Variants in PDE6B observed in about 807,000 individuals in gnomAD.
The protein encoded by PDE6B is phosphodiesterase 6B, also known as rod cGMP-specific 3',5'-cyclic phosphodiesterase subunit beta.
Under a neutral mutation model 109.0 loss-of-function variants are expected in PDE6B, and 106 were observed. That is an observed-to-expected ratio of 0.97 (90% CI 0.83 to 1.14). The LOEUF is 1.14. Ranked by LOEUF, PDE6B falls within the 50% of genes most tolerant of loss-of-function variation. PDE6B has a pLI of 0.00. For missense variants in PDE6B, 1,193 were observed against 1,155.6 expected (o/e 1.03, Z -0.47); for synonymous variants, 490 against 471.3 (o/e 1.04, Z -0.51).
At position 663,578 on chromosome 4, in the gene PDE6B, T is replaced by C. The variant is rs2109260966; in HGVS notation, c.1921-192T>C. 1.6e-6 allele frequency: 1 copy of C among 626,924 alleles called. No homozygotes were observed. Among genetic ancestry groups the C allele is most frequent in the East Asian group, 2.7e-5 (1 of 36,536 alleles). The allele number at this position is 626,924 out of a possible 1,614,324, so 38.8% of individuals were successfully genotyped here. The stretch of plus-strand genomic sequence containing the variant: ...GGCCATCTGCGTCCCAAGCCGACGA[T>C]GGAGCCGCTGGTGGAGAGCTGGGCA... On this transcript the variant is annotated intron_variant, in intron 15 of 21. Coordinates refer to ENST00000496514, the MANE Select transcript of PDE6B (RefSeq NM_000283.4). The surrounding 1 kb of genome is among the most constrained non-coding windows in gnomAD (Gnocchi z 4.0).
intron 3 of PDE6B, among the ~76,000 whole-genome samples, chr4:644,894 A>T (rs1183593355): frequency 6.6e-6 from 1 of 152,052 alleles, no homozygotes; most frequent in East Asian, 1.9e-4. Flanking sequence ...GCTCATTCTG[A>T]TAGAGGGTAC....
rs779609926 is a variant in PDE6B at position 633,097 on chromosome 4, C to T, written c.469-1580C>T. Among the ~76,000 whole-genome samples, 2 of 151,986 alleles carry T rather than the reference C, an allele frequency of 1.3e-5. No homozygotes were observed. Among genetic ancestry groups the T allele is most frequent in the Non-Finnish European group, 2.9e-5 (2 of 68,004 alleles). The stretch of plus-strand genomic sequence containing the variant: ...CAAACTGCCACAGGCACAACAGGCA[C>T]CACGACAAGCAGGCAGGAGTGTGCT... On this transcript the variant is annotated intron_variant, in intron 1 of 21. Transcript: ENST00000496514. The surrounding 1 kb of genome is among the most constrained non-coding windows in gnomAD (Gnocchi z 4.5).
At chr4:627,864 C>T in intron 1 of PDE6B, among the ~76,000 whole-genome samples, 1 of 152,126 alleles carries the variant, frequency 6.6e-6, no homozygotes, top group Non-Finnish European at 1.5e-5. Flanking sequence ...TTGTCCCCAC[C>T]CGGCTGATGG....
Position 626,127 on chromosome 4 carries a change from G to T in PDE6B, c.468+33G>T. On this transcript the variant is annotated intron_variant, in intron 1 of 21. Transcript: ENST00000496514. This position sits in a 1 kb window ranked among gnomAD's most constrained non-coding sequence, Gnocchi z 4.6. ...TGTGCGGAGCCTCAGGGAGGCGGCT[G>T]TGTGCATCTCTTGCACCTGTCCCAG... 7.7e-7 allele frequency: 1 copy of T among 1,296,342 alleles called. No homozygotes were observed. 80.3% of individuals were successfully genotyped at this position (1,296,342 alleles called of 1,614,324 possible). A position where few individuals can be genotyped will look rare whatever the true frequency, so the allele number is the denominator to read the frequency against.
In PDE6B at chr4:666,069, G is replaced by C. The variant is rs1182490187; in HGVS notation, c.2269-462G>C. ...TCACCCTCCACCAGGACGCTGTGAG[G>C]GGACGGACAGCCCAGGGCACTCGGG... On this transcript the variant is annotated intron_variant, in intron 19 of 21. Transcript: ENST00000496514. The surrounding 1 kb of genome is among the most constrained non-coding windows in gnomAD (Gnocchi z 5.6). Among the ~76,000 whole-genome samples, 3 of 152,174 alleles carry C rather than the reference G, an allele frequency of 2.0e-5. No individual in the cohort carries two copies. The highest frequency in any genetic ancestry group is 6.5e-5 in the Admixed American group (1 of 15,288).
At chr4:650,409 C>G (rs1174788176) in intron 3 of PDE6B, among the ~76,000 whole-genome samples, 1 of 152,248 alleles carries the variant, frequency 6.6e-6, no homozygotes, top group Non-Finnish European at 1.5e-5. Flanking sequence ...AGCCTCACAG[C>G]CTGCTTCCTC....
intron 16 of PDE6B, 54 bp from the exon 17 acceptor site, chr4:664,060 G>GA: frequency 7.6e-7 from 1 of 1,318,222 alleles, no homozygotes; most frequent in Non-Finnish European, 1.1e-6. Flanking sequence ...GGGCGCTTGG[G>GA]GCGGGGTCTC....
chr4:659,713 C>T (rs902552860), intron 11 of PDE6B, among the ~76,000 whole-genome samples: 2 of 147,330 alleles, frequency 1.4e-5, no homozygotes, highest in African/African-American at 2.5e-5. Flanking sequence ...TGTGTGTGCC[C>T]GTGTGTGCAC....
chr4:670,238 A>AT lies in PDE6B; in HGVS notation c.*131_*132insT. 9 of 1,261,018 alleles carry AT rather than the reference A, an allele frequency of 7.1e-6. No homozygotes were observed. The highest frequency in any genetic ancestry group is 2.6e-5 in the Admixed American group (1 of 38,138). 78.1% of individuals were successfully genotyped at this position (1,261,018 alleles called of 1,614,324 possible). On this transcript the variant is annotated 3_prime_UTR_variant, in exon 22 of 22. Coordinates refer to ENST00000496514, the MANE Select transcript of PDE6B (RefSeq NM_000283.4). Reference sequence around the variant, plus strand: ...GACTGAAGATCATTCTGGATATTTTAATTTTTTTTTTTTTTTTTTTTTGAG... The same window carrying AT: ...GACTGAAGATCATTCTGGATATTTTATATTTTTTTTTTTTTTTTTTTTTGAG...
chr4:638,870 A>G (rs1434271440), intron 3 of PDE6B, among the ~76,000 whole-genome samples: 1 of 152,120 alleles, frequency 6.6e-6, no homozygotes, highest in East Asian at 1.9e-4. Flanking sequence ...GCTCACTCAC[A>G]CAGGAAACTT....
intron 11 of PDE6B, among the ~76,000 whole-genome samples, chr4:659,955 T>C (rs1341642932): frequency 6.6e-6 from 1 of 152,188 alleles, no homozygotes; most frequent in East Asian, 1.9e-4. Context: ...GGAATGTGCC[T>C]GGTGGGTCTG....
At position 648,535 on chromosome 4, in the gene PDE6B, T is replaced by C. The variant is rs952027374; in HGVS notation, c.712-5317T>C. 6.6e-6 allele frequency among the ~76,000 whole-genome samples: 1 copy of C among 152,148 alleles called. No individual in the cohort carries two copies. The highest frequency in any genetic ancestry group is 1.5e-5 in the Non-Finnish European group (1 of 68,020). On this transcript the variant is annotated intron_variant, in intron 3 of 21. Coordinates refer to ENST00000496514, the MANE Select transcript of PDE6B (RefSeq NM_000283.4). The surrounding 1 kb of genome is among the most constrained non-coding windows in gnomAD (Gnocchi z 4.5). The stretch of plus-strand genomic sequence containing the variant: ...CTCTGGGCGCTCCCCCCTCCCTCTG[T>C]CCCGGGCCCTCACCTGGACAATCAG...
chr4:660,663 C>A, intron 12 of PDE6B, 50 bp downstream of exon 12: 1 of 1,556,252 alleles, frequency 6.4e-7, no homozygotes, highest in Non-Finnish European at 8.8e-7. Flanking sequence ...CCGCCCAGGA[C>A]ATGGGGGTGG....
rs929307654 is a variant in PDE6B at position 654,161 on chromosome 4, C to G, written c.927+7C>G. ...ACGCACGCCTGATGGCCGGGTGAGT[C>G]TTAGGGGAGGGGCCCAGGGCCTGTC... On this transcript the variant is annotated splice_region_variant and intron_variant, in intron 5 of 21. Coordinates refer to ENST00000496514, the MANE Select transcript of PDE6B (RefSeq NM_000283.4). 5 of 1,611,944 alleles carry G rather than the reference C, an allele frequency of 3.1e-6. No individual in the cohort carries two copies. The Admixed American group carries it at 8.3e-5, about 27-fold the overall frequency.
intron 12 of PDE6B, chr4:661,813 A>G: frequency 2.5e-6 from 1 of 397,518 alleles, no homozygotes; most frequent in Non-Finnish European, 4.8e-6. Flanking sequence ...ATCTTAAAAT[A>G]TGCTGCATCC....
chr4:656,082 T>C (rs900632958), intron 7 of PDE6B, 76 bp downstream of exon 7: 3 of 1,094,440 alleles, frequency 2.7e-6, no homozygotes, highest in African/African-American at 1.5e-5. Context: ...TCCTTGTCTC[T>C]GCCACGTCCC....
intron 1 of PDE6B, among the ~76,000 whole-genome samples, chr4:627,468 C>A (rs1013058561): frequency 1.3e-5 from 2 of 152,102 alleles, no homozygotes; most frequent in Admixed American, 6.5e-5. Flanking sequence ...CCTCTTATCC[C>A]AATGGCAGTA....
intron 1 of PDE6B, among the ~76,000 whole-genome samples, chr4:627,307 G>A (rs1452891689): frequency 3.3e-5 from 5 of 152,016 alleles, no homozygotes; most frequent in Admixed American, 2.6e-4. Context: ...CACCACACCC[G>A]GCTAATTTTT....
chr4:664,079 C>A, intron 16 of PDE6B, 35 bp from the exon 17 acceptor site: 2 of 1,435,766 alleles, frequency 1.4e-6, no homozygotes, highest in Non-Finnish European at 2.0e-6. Flanking sequence ...TCCACACTTG[C>A]TCCCACCTGC....
Sources: gnomAD v4.1 joint callset for allele counts (sites outside exome capture counted in the v4.1 genomes callset) on GRCh38, gnomAD v4.1.1 for gene constraint, Gnocchi (gnomAD v3.1) non-coding constraint, MANE v1.5 for transcripts, NCBI Gene and HGNC (gene_info 2026-07-23, HGNC 2026-07-21) for gene names.